The following NCKAP5 variants were observed in gnomAD, a reference collection of about 807,000 sequenced individuals.
NCKAP5 encodes the protein nck-associated protein 5.
Under a neutral mutation model 167.0 loss-of-function variants are expected in NCKAP5, and 92 were observed. That is an observed-to-expected ratio of 0.55 (90% CI 0.47 to 0.66). The LOEUF (loss-of-function observed/expected upper bound fraction) is 0.66, where lower values mean the gene tolerates loss of function less well. NCKAP5 is among the 30% of genes least tolerant of loss of function. The pLI is 0.00. For missense variants in NCKAP5, 2,378 were observed against 2,315.0 expected (o/e 1.03, Z -0.56); for synonymous variants, 891 against 877.4 (o/e 1.02, Z -0.27).
chr2:133,387,953 T>C (rs893635864), intron 3 of NCKAP5, among the ~76,000 whole-genome samples: 3 of 152,220 alleles, frequency 2.0e-5, no homozygotes, highest in Admixed American at 6.5e-5. Context: ...TCCAATCTTT[T>C]TTCAAGGTTT....
At chr2:132,874,952 C>T (rs1691151453) in intron 9 of NCKAP5, among the ~76,000 whole-genome samples, 1 of 151,610 alleles carries the variant, frequency 6.6e-6, no homozygotes, top group African/African-American at 2.4e-5. Flanking sequence ...TTATCTCAGA[C>T]ATTGTTGTGG....
Position 132,785,501 on chromosome 2 carries a change from T to C in NCKAP5, c.1310A>G (p.Tyr437Cys). 1 of 1,612,688 alleles carries C rather than the reference T, an allele frequency of 6.2e-7. No homozygotes were observed. The highest frequency in any genetic ancestry group is 1.1e-5 in the South Asian group (1 of 90,880). The change falls in exon 14 of 20, where the codon TAT (tyrosine) becomes TGT (cysteine). Residue 437 changes from tyrosine (Y) to cysteine (C), a missense_variant. Physicochemically the swap from Tyr to Cys is radical, Grantham distance 194. Transcript: ENST00000409261. ...KDCMNSNEGI[Y>C]SPGIKSSSLK... ...GCTGCTACTTTTAATTCCAGGAGAA[T>C]ATATTCCTTCATTCGAGTTCATGCA...
At chr2:133,287,180 A>C (rs188293658) in intron 4 of NCKAP5, among the ~76,000 whole-genome samples, 61 of 152,296 alleles carry the variant, frequency 4.0e-4, no homozygotes, top group African/African-American at 1.5e-3. Flanking sequence ...TTAGTCTTCT[A>C]TTTGTCAAGC....
intron 4 of NCKAP5, among the ~76,000 whole-genome samples, chr2:133,264,234 T>C (rs1218306500): frequency 1.3e-5 from 2 of 152,232 alleles, no homozygotes; most frequent in South Asian, 2.1e-4. Context: ...CCATCAGCTG[T>C]TAGGATGATT....
At chr2:133,642,918 A>G in the NCKAP5 span, among the ~76,000 whole-genome samples, 2 of 152,244 alleles carry the variant, frequency 1.3e-5, no homozygotes, top group African/African-American at 4.8e-5. Context: ...AGGAAATAGA[A>G]GTTTGCTCAC....
At chr2:132,683,716 T>C (rs1341381388) in intron 19 of NCKAP5, among the ~76,000 whole-genome samples, 1 of 152,178 alleles carries the variant, frequency 6.6e-6, no homozygotes, top group Non-Finnish European at 1.5e-5. Flanking sequence ...CCAGCAAGTG[T>C]CACCTCACCT....
At chr2:133,001,665 T>G (rs138016299) in intron 6 of NCKAP5, among the ~76,000 whole-genome samples, 23 of 152,302 alleles carry the variant, frequency 1.5e-4, no homozygotes, top group African/African-American at 5.5e-4. Context: ...CACATCAGCA[T>G]TCACTCAAAT....
chr2:133,422,112 C>T (rs570150361), intron 3 of NCKAP5, among the ~76,000 whole-genome samples: 1 of 152,362 alleles, frequency 6.6e-6, no homozygotes, highest in East Asian at 1.9e-4. Context: ...CCATTCCAGG[C>T]TGGCTGGGGA....
intron 4 of NCKAP5, among the ~76,000 whole-genome samples, chr2:133,273,271 G>A (rs974991690): frequency 2.6e-5 from 4 of 152,020 alleles, no homozygotes; most frequent in South Asian, 2.1e-4. Context: ...AATTTTATTC[G>A]CATTTTCCTG....
intron 3 of NCKAP5, among the ~76,000 whole-genome samples, chr2:133,461,285 T>A (rs765981737): frequency 6.6e-6 from 1 of 152,228 alleles, no homozygotes; most frequent in Non-Finnish European, 1.5e-5. Flanking sequence ...GTTATATAAG[T>A]TAAATGAAGA....
At chr2:132,751,940 C>T (rs1184128246) in intron 16 of NCKAP5, among the ~76,000 whole-genome samples, 2 of 152,228 alleles carry the variant, frequency 1.3e-5, no homozygotes, top group Non-Finnish European at 2.9e-5. Context: ...GGGGAAAAGA[C>T]CATTTCATCT....
intron 8 of NCKAP5, among the ~76,000 whole-genome samples, chr2:132,944,470 A>C (rs979188469): frequency 3.3e-5 from 5 of 152,214 alleles, no homozygotes; most frequent in Admixed American, 2.6e-4. Context: ...TGTTAGGTAC[A>C]TTACCATACT....
chr2:132,905,234 G>C (rs1025831505), intron 8 of NCKAP5, among the ~76,000 whole-genome samples: 1 of 151,978 alleles, frequency 6.6e-6, no homozygotes, highest in African/African-American at 2.4e-5. Context: ...CTTCTGTGTT[G>C]ATATACAATA....
chr2:133,597,154 G>A, the NCKAP5 span, among the ~76,000 whole-genome samples: 3 of 152,228 alleles, frequency 2.0e-5, no homozygotes, highest in African/African-American at 7.2e-5. Context: ...GTGGAGCGGA[G>A]CCACAGCATC....
intron 3 of NCKAP5, among the ~76,000 whole-genome samples, chr2:133,344,991 G>A (rs1683865536): frequency 6.6e-6 from 1 of 152,098 alleles, no homozygotes; most frequent in Admixed American, 6.6e-5. Flanking sequence ...CAGTGACTAT[G>A]CCCTCAGTGC....
chr2:133,294,408 G>T (rs1029271792), intron 4 of NCKAP5, among the ~76,000 whole-genome samples: 1 of 152,184 alleles, frequency 6.6e-6, no homozygotes, highest in Non-Finnish European at 1.5e-5. Context: ...TCTTCAAGAG[G>T]CTCTGGGCCT....
chr2:133,270,631 C>T (rs1260349199), intron 4 of NCKAP5, among the ~76,000 whole-genome samples: 1 of 152,164 alleles, frequency 6.6e-6, no homozygotes, highest in East Asian at 1.9e-4. Context: ...CCTTTACAAA[C>T]CACCCTCTCC....
chr2:133,026,384 T>G (rs867472857), intron 6 of NCKAP5, among the ~76,000 whole-genome samples: 8 of 152,022 alleles, frequency 5.3e-5, no homozygotes, highest in Non-Finnish European at 5.9e-5. Context: ...TAGTGTTTTT[T>G]TTTTTTTTTA....
At chr2:132,769,346 C>T (rs1681817884) in intron 16 of NCKAP5, among the ~76,000 whole-genome samples, 1 of 152,150 alleles carries the variant, frequency 6.6e-6, no homozygotes, top group Admixed American at 6.5e-5. Context: ...AGATTCACAA[C>T]TTTCTTGATT....
Sources: allele counts gnomAD v4.1 joint callset (sites outside exome capture counted in the v4.1 genomes callset), GRCh38; gene constraint gnomAD v4.1.1; transcripts MANE v1.5; gene names NCBI Gene and HGNC (gene_info 2026-07-23, HGNC 2026-07-21).